The following DLGAP1 variants were observed in gnomAD, a reference collection of about 807,000 sequenced individuals.
DLGAP1 encodes the protein disks large-associated protein 1.
Under a neutral mutation model 90.8 loss-of-function variants are expected in DLGAP1, and 11 were observed. That is an observed-to-expected ratio of 0.12 (90% confidence interval 0.08 to 0.20). DLGAP1 has a LOEUF of 0.20. Among genes scored for constraint, DLGAP1 ranks in the 10% least tolerant of loss-of-function variants. The pLI, the probability that DLGAP1 is intolerant of heterozygous loss-of-function variation, is 1.00. For missense variants in DLGAP1, 1,050 were observed against 1,333.8 expected, an observed-to-expected ratio of 0.79 and a Z score of 3.31; for synonymous variants, 558 against 540.7, an observed-to-expected ratio of 1.03 and a Z score of -0.44.
chr18:4,010,441 G>T (rs1367587378), intron 2 of DLGAP1, among the ~76,000 whole-genome samples: 2 of 152,114 alleles, frequency 1.3e-5, no homozygotes, highest in African/African-American at 4.8e-5. Context: ...CCAGCTACTT[G>T]GGAGGCTGAG....
chr18:3,580,282 C>A (rs2055413900), intron 8 of DLGAP1: 2 of 1,609,292 alleles, frequency 1.2e-6, no homozygotes, highest in Admixed American at 3.3e-5. Context: ...CAGGCACCAG[C>A]AATGGCGCAA....
At chr18:3,572,139 C>A (rs369697885) in intron 8 of DLGAP1, among the ~76,000 whole-genome samples, 1 of 140,904 alleles carries the variant, frequency 7.1e-6, no homozygotes, top group South Asian at 2.2e-4. Context: ...AGTGCAATGG[C>A]GCGATCTCGG....
chr18:3,596,999 G>T (rs1269610295), intron 7 of DLGAP1: 1 of 519,822 alleles, frequency 1.9e-6, no homozygotes, highest in Non-Finnish European at 3.8e-6. Context: ...TCCCCCACAG[G>T]CTCTCGGCAA....
At chr18:3,553,848 A>T (rs1458199518) in intron 9 of DLGAP1, among the ~76,000 whole-genome samples, 1 of 152,124 alleles carries the variant, frequency 6.6e-6, no homozygotes, top group African/African-American at 2.4e-5. Flanking sequence ...ATAGTTTTTT[A>T]AAAAATTACT....
intron 1 of DLGAP1, among the ~76,000 whole-genome samples, chr18:4,346,363 T>C (rs2081302738): frequency 6.6e-6 from 1 of 152,036 alleles, no homozygotes. Flanking sequence ...CAGAAGACTG[T>C]GAAAAAAAGA....
intron 4 of DLGAP1, among the ~76,000 whole-genome samples, chr18:3,865,430 T>A (rs2070324128): frequency 1.3e-5 from 2 of 152,236 alleles, no homozygotes; most frequent in African/African-American, 2.4e-5. Flanking sequence ...TACAACCTTT[T>A]TATATATCTC....
intron 7 of DLGAP1, among the ~76,000 whole-genome samples, chr18:3,675,759 TAAC>T (rs2060275065): frequency 6.6e-6 from 1 of 152,334 alleles, no homozygotes; most frequent in Non-Finnish European, 1.5e-5. Flanking sequence ...GGTAAATGTT[TAAC>T]AACAGGCTCT....
intron 1 of DLGAP1, among the ~76,000 whole-genome samples, chr18:4,382,763 T>A (rs902565130): frequency 6.6e-6 from 1 of 152,210 alleles, no homozygotes; most frequent in Non-Finnish European, 1.5e-5. Context: ...TTATATTTCA[T>A]GCTATCTCAC....
chr18:4,367,680 T>C (rs1239757859), intron 1 of DLGAP1, among the ~76,000 whole-genome samples: 1 of 152,032 alleles, frequency 6.6e-6, no homozygotes, highest in African/African-American at 2.4e-5. Flanking sequence ...AAACCCCATT[T>C]CTACTAAAAA....
chr18:3,592,843 C>CAA (rs56871583), intron 7 of DLGAP1, among the ~76,000 whole-genome samples: 51 of 42,562 alleles, frequency 1.2e-3, no homozygotes, highest in African/African-American at 1.7e-3. Flanking sequence ...GACCCTGCCT[C>CAA]AAAAAAAAAA....
At chr18:4,289,116 T>C (rs941467015) in intron 1 of DLGAP1, among the ~76,000 whole-genome samples, 1 of 152,190 alleles carries the variant, frequency 6.6e-6, no homozygotes, top group Non-Finnish European at 1.5e-5. Flanking sequence ...TGTTCTGACC[T>C]ATTTCAGAGC....
Position 3,526,917 on chromosome 18 carries a change from T to C in DLGAP1, c.2479+7277A>G, listed in dbSNP as rs573441750. ...CTTCAAGTGCTGCGGGAACAAGCAT[T>C]CTGTCAGCTGTCTTGGCTTGGAGGA... On this transcript the variant is annotated intron_variant, in intron 10 of 12. Transcript: ENST00000315677. This position sits in a 1 kb window ranked among gnomAD's most constrained non-coding sequence, Gnocchi z 4.7. 6.6e-6 allele frequency among the ~76,000 whole-genome samples: 1 copy of C among 152,272 alleles called. No individual in the cohort carries two copies. The highest frequency in any genetic ancestry group is 1.9e-4 in the East Asian group (1 of 5,192).
At chr18:4,230,528 C>T (rs953683454) in intron 1 of DLGAP1, among the ~76,000 whole-genome samples, 1 of 151,674 alleles carries the variant, frequency 6.6e-6, no homozygotes, top group Non-Finnish European at 1.5e-5. Context: ...AATATCCTGG[C>T]ACAAAAAGAC....
intron 1 of DLGAP1, among the ~76,000 whole-genome samples, chr18:4,397,887 T>A (rs1489178778): frequency 6.6e-6 from 1 of 152,110 alleles, no homozygotes; most frequent in Non-Finnish European, 1.5e-5. Flanking sequence ...AAGAGCAGGG[T>A]TTATGAGTGA....
At chr18:4,137,325 T>C (rs1430156756) in intron 2 of DLGAP1, among the ~76,000 whole-genome samples, 6 of 152,158 alleles carry the variant, frequency 3.9e-5, no homozygotes, top group African/African-American at 1.4e-4. Context: ...GGGGTCTTGT[T>C]TTATTCTTCT....
intron 4 of DLGAP1, among the ~76,000 whole-genome samples, chr18:3,858,503 C>CGT (rs1568247836): frequency 1.4e-5 from 2 of 147,706 alleles, no homozygotes; most frequent in African/African-American, 5.0e-5. Context: ...TGTATATATA[C>CGT]ATATATATAC....
chr18:3,998,887 G>C (rs945356786), intron 3 of DLGAP1, among the ~76,000 whole-genome samples: 1 of 152,140 alleles, frequency 6.6e-6, no homozygotes, highest in Non-Finnish European at 1.5e-5. Flanking sequence ...GCAAATTATT[G>C]TGTTTTACGG....
intron 2 of DLGAP1, among the ~76,000 whole-genome samples, chr18:4,055,698 C>T (rs1183880215): frequency 1.3e-5 from 2 of 152,008 alleles, no homozygotes; most frequent in Non-Finnish European, 2.9e-5. Context: ...TGTGGTGTAC[C>T]CTGGGAGCGA....
chr18:3,554,590 A>G (rs1333884423), intron 9 of DLGAP1, among the ~76,000 whole-genome samples: 1 of 152,216 alleles, frequency 6.6e-6, no homozygotes. Flanking sequence ...GATCCATGGC[A>G]TTTTGAGAAT....
Sources: gnomAD v4.1 joint callset for allele counts (sites outside exome capture counted in the v4.1 genomes callset) on GRCh38, gnomAD v4.1.1 for gene constraint, Gnocchi (gnomAD v3.1) non-coding constraint, MANE v1.5 for transcripts, NCBI Gene and HGNC (gene_info 2026-07-23, HGNC 2026-07-21) for gene names.